The following PALD1 variants were observed in gnomAD, a reference collection of about 807,000 sequenced individuals.
PALD1 encodes phosphatase domain containing paladin 1, also known as paladin.
PALD1 carries 57 observed loss-of-function variants against 96.0 expected under a neutral mutation model. That is an observed-to-expected ratio of 0.59 (90% CI 0.48 to 0.74). The LOEUF (loss-of-function observed/expected upper bound fraction) is 0.74, where lower values mean the gene tolerates loss of function less well. Among genes scored for constraint, PALD1 ranks in the 30% least tolerant of loss-of-function variants. The probability of loss-of-function intolerance (pLI) is 0.00; values close to 1 mark genes in which losing one functional copy is unlikely to be tolerated. For missense variants in PALD1, 1,063 were observed against 1,143.7 expected (o/e 0.93, Z 1.02); for synonymous variants, 464 against 473.6 (o/e 0.98, Z 0.26).
chr10:70,529,143 C>T (rs765921242), intron 2 of PALD1, 86 bp from the exon 3 acceptor site: 62 of 640,168 alleles, frequency 9.7e-5, no homozygotes, highest in Non-Finnish European at 1.2e-4. Flanking sequence ...GGTTTTCCTG[C>T]GGTGGGCTCT....
intron 18 of PALD1, among the ~76,000 whole-genome samples, chr10:70,556,547 G>A (rs968010729): frequency 6.6e-6 from 1 of 151,982 alleles, no homozygotes; most frequent in Non-Finnish European, 1.5e-5. Flanking sequence ...CAAACTACTG[G>A]GCTCAAGTCA....
the PALD1 span, among the ~76,000 whole-genome samples, chr10:70,466,636 A>G: frequency 6.6e-6 from 1 of 152,172 alleles, no homozygotes; most frequent in Non-Finnish European, 1.5e-5. Context: ...GAAGCTTTAC[A>G]TCTTCTCAGG....
intron 5 of PALD1, among the ~76,000 whole-genome samples, 163 bp downstream of exon 5, chr10:70,531,617 G>A (rs1846993424): frequency 6.6e-6 from 1 of 152,172 alleles, no homozygotes; most frequent in Non-Finnish European, 1.5e-5. Context: ...GGCAGCCAGA[G>A]GAAGGACTTC....
intron 18 of PALD1, among the ~76,000 whole-genome samples, chr10:70,554,395 C>T (rs1847547082): frequency 2.0e-5 from 3 of 152,154 alleles, no homozygotes; most frequent in Admixed American, 2.0e-4. Context: ...TGCTGCTGCA[C>T]TCTAGCCTGG....
At chr10:70,497,069 C>T (rs370734749) in intron 1 of PALD1, among the ~76,000 whole-genome samples, 28 of 152,332 alleles carry the variant, frequency 1.8e-4, no homozygotes, top group African/African-American at 6.0e-4. Flanking sequence ...CTGCCTTCCT[C>T]GCCCACCTCC....
the PALD1 span, among the ~76,000 whole-genome samples, chr10:70,466,465 G>C: frequency 6.6e-6 from 1 of 152,100 alleles, no homozygotes; most frequent in African/African-American, 2.4e-5. Flanking sequence ...GGCTGCTCTT[G>C]AACTCCTGAC....
rs778757566 is a variant in PALD1, at chr10:70,531,242, T to C, written c.469-48T>C. 6.5e-6 allele frequency: 10 copies of C among 1,544,132 alleles called. No homozygotes were observed. In the Admixed American group the frequency reaches 1.7e-4, roughly 26 times the overall value. On this transcript the variant is annotated intron_variant, in intron 4 of 19. Coordinates refer to ENST00000263563, the MANE Select transcript of PALD1 (RefSeq NM_014431.3). ...GAGGTGGGGCAGTGGTGCAGGTGTC[T>C]GTGCGGGATCATGATGATGGCTTCC...
intron 1 of PALD1, among the ~76,000 whole-genome samples, chr10:70,487,164 C>A (rs980529874): frequency 1.6e-5 from 2 of 127,022 alleles, no homozygotes. Flanking sequence ...GACAGAGTCT[C>A]GCTCTGTTGC....
At chr10:70,531,763 G>A (rs925215732) in intron 5 of PALD1, among the ~76,000 whole-genome samples, 4 of 151,978 alleles carry the variant, frequency 2.6e-5, no homozygotes, top group Non-Finnish European at 5.9e-5. Context: ...TTGGGAGGCC[G>A]AGGTGGGCAG....
the PALD1 span, among the ~76,000 whole-genome samples, chr10:70,462,488 C>T: frequency 1.3e-5 from 2 of 152,238 alleles, no homozygotes; most frequent in East Asian, 1.9e-4. Flanking sequence ...GAGCTTTTAT[C>T]ATTGAACAAT....
chr10:70,556,177 C>T (rs532618747), intron 18 of PALD1, among the ~76,000 whole-genome samples: 1 of 152,178 alleles, frequency 6.6e-6, no homozygotes, highest in South Asian at 2.1e-4. Flanking sequence ...TTCACTTGAA[C>T]CCAGCCTAGA....
At position 70,533,049 on chromosome 10, in the gene PALD1, C is replaced by T. The variant is rs776581101; in HGVS notation, c.849C>T (p.Asp283=). The part of the protein sequence containing the change: ...EQGSPLEAQL[D]AFVSVLRETP... ...GGAGTCCCCTGGAGGCCCAGTTGGA[C>T]GCCTTTGTCAGTGTTCTCCGGGTAA... Residue 283 remains aspartate, a synonymous_variant, in exon 7 of 20, where the codon GAC becomes GAT. Transcript: ENST00000263563. 8.2e-6 allele frequency: 13 copies of T among 1,583,592 alleles called. No individual in the cohort carries two copies. Among genetic ancestry groups the T allele is most frequent in the Non-Finnish European group, 9.4e-6 (11 of 1,164,306 alleles).
At chr10:70,541,349 C>T (rs909719108) in intron 16 of PALD1, 107 bp downstream of exon 16, 31 of 1,514,484 alleles carry the variant, frequency 2.0e-5, no homozygotes, top group African/African-American at 2.7e-5. Flanking sequence ...CAGAGACAGC[C>T]GGGTGTGGTC....
At chr10:70,485,129 G>C (rs554912788) in intron 1 of PALD1, among the ~76,000 whole-genome samples, 1 of 152,188 alleles carries the variant, frequency 6.6e-6, no homozygotes, top group East Asian at 1.9e-4. Flanking sequence ...CAAGATTACA[G>C]AGTACGAACA....
At chr10:70,526,981 C>A (rs1296737879) in intron 2 of PALD1, among the ~76,000 whole-genome samples, 3 of 152,158 alleles carry the variant, frequency 2.0e-5, no homozygotes, top group Non-Finnish European at 4.4e-5. Flanking sequence ...ACCCTGCCTG[C>A]CAGCTCTGGG....
chr10:70,508,480 C>T (rs1022274281), intron 1 of PALD1, among the ~76,000 whole-genome samples: 3 of 152,148 alleles, frequency 2.0e-5, no homozygotes, highest in Admixed American at 1.3e-4. Context: ...CATGCTGCGC[C>T]CTGAGTCCAG....
chr10:70,472,709 C>A, the PALD1 span, among the ~76,000 whole-genome samples: 2 of 152,002 alleles, frequency 1.3e-5, no homozygotes, highest in Admixed American at 1.3e-4. Context: ...GACTCTGCAG[C>A]GAGACCCAGT....
At chr10:70,501,687 G>C (rs561311433) in intron 1 of PALD1, among the ~76,000 whole-genome samples, 1 of 122,448 alleles carries the variant, frequency 8.2e-6, no homozygotes, top group Non-Finnish European at 1.8e-5. Context: ...TATGTTTACT[G>C]TAGGGAAATG....
chr10:70,481,699 G>A (rs1271712914), intron 1 of PALD1, among the ~76,000 whole-genome samples: 4 of 152,210 alleles, frequency 2.6e-5, no homozygotes, highest in Admixed American at 2.0e-4. Context: ...GATCCCCCAG[G>A]TGAGAGAGAG....
Sources: allele counts gnomAD v4.1 joint callset (sites outside exome capture counted in the v4.1 genomes callset), GRCh38; gene constraint gnomAD v4.1.1; transcripts MANE v1.5; gene names NCBI Gene and HGNC (gene_info 2026-07-23, HGNC 2026-07-21).